TMEM87A: variants seen among roughly 807,000 people sequenced by gnomAD.
TMEM87A encodes Golgi-pH regulating cation channel.
TMEM87A carries 50 observed loss-of-function variants against 90.0 expected under a neutral mutation model. The ratio of observed to expected loss-of-function variants is 0.56; its 90% confidence interval spans 0.44 to 0.70. The LOEUF (loss-of-function observed/expected upper bound fraction) is 0.70, where lower values mean the gene tolerates loss of function less well. Ranked by LOEUF, TMEM87A falls within the 30% of genes least tolerant of loss-of-function variation. The pLI is 0.00. For missense variants in TMEM87A, 577 were observed against 660.5 expected (o/e 0.87, Z 1.39); for synonymous variants, 226 against 226.7 (o/e 1.00, Z 0.03).
intron 3 of TMEM87A, 63 bp from the exon 4 acceptor site, chr15:42,264,266 C>T: frequency 8.8e-7 from 1 of 1,140,016 alleles, no homozygotes. Context: ...ACTAAGAGCA[C>T]AGCACAACAA....
At chr15:42,217,343 AC>A (rs1283128473) in intron 19 of TMEM87A, among the ~76,000 whole-genome samples, 1 of 152,254 alleles carries the variant, frequency 6.6e-6, no homozygotes, top group Non-Finnish European at 1.5e-5. Context: ...TATTAGAGGT[AC>A]TAATTATAAT....
chr15:42,255,624 TA>T (rs2051163001), intron 6 of TMEM87A, among the ~76,000 whole-genome samples: 1 of 152,232 alleles, frequency 6.6e-6, no homozygotes, highest in Admixed American at 6.5e-5. Context: ...TAAACTCTAT[TA>T]ATTTTTTTAA....
At chr15:42,249,195 C>T (rs551632473) in intron 6 of TMEM87A, among the ~76,000 whole-genome samples, 82 of 152,080 alleles carry the variant, frequency 5.4e-4, no homozygotes, top group Non-Finnish European at 1.0e-3. Context: ...ATTAGTCTTG[C>T]TAGAGGTCTA....
At chr15:42,215,361 C>T (rs1275016849) in intron 19 of TMEM87A, among the ~76,000 whole-genome samples, 1 of 151,920 alleles carries the variant, frequency 6.6e-6, no homozygotes, top group African/African-American at 2.4e-5. Flanking sequence ...ATTTGCCGGG[C>T]GTGGTGGCGG....
intron 19 of TMEM87A, among the ~76,000 whole-genome samples, chr15:42,215,763 T>G (rs77779318): frequency 0.011 from 1,644 of 152,072 alleles, 30 homozygotes; most frequent in African/African-American, 0.038. Flanking sequence ...AAGAAAGAAA[T>G]TGGAACCCCT....
chr15:42,252,638 T>A (rs1262291435), intron 6 of TMEM87A, among the ~76,000 whole-genome samples: 1 of 152,140 alleles, frequency 6.6e-6, no homozygotes, highest in Non-Finnish European at 1.5e-5. Context: ...CATAGGTCTC[T>A]CAGGCTCATC....
rs144059817 is a variant in TMEM87A at position 42,239,682 on chromosome 15, A to G, written c.672T>C (p.Tyr224=). The G allele has an allele frequency of 4.3e-6, 7 of 1,613,558 alleles. No homozygotes were observed. Among genetic ancestry groups the G allele is most frequent in the Non-Finnish European group, 5.9e-6 (7 of 1,179,568 alleles). ...GPYEYLTLED[Y]PLMIFFMVMC... is the part of the protein sequence containing the mutation. ...TAAAGTCACTTACAATCATCAAGGG[A>G]TAGTCTTCAAGTGTGAGGTATTCAT... The change falls in exon 8 of 20, where the codon TAT becomes TAC. Residue 224 remains tyrosine (Y), a synonymous_variant. Transcript: ENST00000389834.
chr15:42,258,061 C>A, intron 6 of TMEM87A: 2 of 974,666 alleles, frequency 2.1e-6, no homozygotes, highest in Non-Finnish European at 2.4e-6. Flanking sequence ...ATATTAATCA[C>A]AACACTGCAT....
intron 17 of TMEM87A, 104 bp downstream of exon 17, chr15:42,219,477 C>T: frequency 4.3e-6 from 4 of 932,938 alleles, no homozygotes; most frequent in Non-Finnish European, 6.4e-6. Flanking sequence ...AAATCATTGC[C>T]AAGACCAATG....
chr15:42,248,438 T>C (rs1287241807), intron 6 of TMEM87A, among the ~76,000 whole-genome samples: 1 of 152,208 alleles, frequency 6.6e-6, no homozygotes, highest in Admixed American at 6.5e-5. Flanking sequence ...ATAGCTCTTA[T>C]TATTTTGACA....
intron 3 of TMEM87A, among the ~76,000 whole-genome samples, chr15:42,265,079 G>T (rs536834825): frequency 6.6e-6 from 1 of 151,938 alleles, no homozygotes; most frequent in Non-Finnish European, 1.5e-5. Flanking sequence ...TTTTATGGCC[G>T]CATATGTACC....
chr15:42,261,442 A>G (rs2051288997), intron 4 of TMEM87A, among the ~76,000 whole-genome samples, 193 bp from the exon 5 acceptor site: 1 of 152,196 alleles, frequency 6.6e-6, no homozygotes, highest in South Asian at 2.1e-4. Context: ...GAACTAGAAA[A>G]TAGTATCAAA....
At chr15:42,250,563 A>G (rs183268540) in intron 6 of TMEM87A, among the ~76,000 whole-genome samples, 16 of 152,260 alleles carry the variant, frequency 1.1e-4, no homozygotes, top group Admixed American at 1.0e-3. Flanking sequence ...CTGGATTGAA[A>G]ATTATTTAAG....
At chr15:42,244,218 CA>C in intron 6 of TMEM87A, 51 bp from the exon 7 acceptor site, 2 of 1,268,988 alleles carry the variant, frequency 1.6e-6, no homozygotes, top group South Asian at 2.9e-5. Flanking sequence ...ATTAAGAGCA[CA>C]AATTAATAAT....
At chr15:42,258,222 TAA>T in intron 6 of TMEM87A, 1 of 929,424 alleles carries the variant, frequency 1.1e-6, no homozygotes. Flanking sequence ...GTTATATTGC[TAA>T]GCTACAAAAA....
chr15:42,235,466 T>C (rs573267480), intron 10 of TMEM87A, among the ~76,000 whole-genome samples: 144 of 152,326 alleles, frequency 9.5e-4, no homozygotes, highest in African/African-American at 3.2e-3. Flanking sequence ...TCCACACTTA[T>C]TTCACCTAAG....
chr15:42,246,807 C>G (rs187190014), intron 6 of TMEM87A, among the ~76,000 whole-genome samples: 69 of 152,196 alleles, frequency 4.5e-4, no homozygotes, highest in African/African-American at 1.7e-3. Context: ...GGGTGTATAC[C>G]CAGTAATGGG....
intron 6 of TMEM87A, among the ~76,000 whole-genome samples, chr15:42,246,303 T>G (rs961839751): frequency 2.4e-4 from 37 of 151,572 alleles, no homozygotes; most frequent in African/African-American, 8.2e-4. Context: ...AGTTTTGTTG[T>G]TTTTTTTTAT....
rs549501194 is a variant in TMEM87A at position 42,243,764 on chromosome 15, C to T, written c.622+286G>A. Among the ~76,000 whole-genome samples the T allele has an allele frequency of 1.1e-4, 16 of 152,182 alleles. No homozygotes were observed. The South Asian group carries it at 3.1e-3, about 30-fold the overall frequency. On this transcript the variant is annotated intron_variant, in intron 7 of 19. Transcript: ENST00000389834. The stretch of plus-strand genomic sequence containing the variant: ...AAAACTCCCGACCTCATGTGATCTG[C>T]CTGCCACGGCCTCCCAAAGTGCTAG...
Sources: allele counts gnomAD v4.1 joint callset (sites outside exome capture counted in the v4.1 genomes callset), GRCh38; gene constraint gnomAD v4.1.1; transcripts MANE v1.5; gene names NCBI Gene and HGNC (gene_info 2026-07-23, HGNC 2026-07-21).